The following PDCD6IP variants were observed in gnomAD, a reference collection of about 807,000 sequenced individuals.
The protein encoded by PDCD6IP is programmed cell death 6 interacting protein.
A neutral mutation model predicts 103.7 loss-of-function variants in PDCD6IP; 43 were observed. The observed-to-expected ratio is 0.41, with a 90% CI of 0.32 to 0.53. The LOEUF (loss-of-function observed/expected upper bound fraction) is 0.53, where lower values mean the gene tolerates loss of function less well. Ranked by LOEUF, PDCD6IP falls within the 20% of genes least tolerant of loss-of-function variation. PDCD6IP has a pLI of 0.16. For missense variants in PDCD6IP, 871 were observed against 1,036.7 expected, an observed-to-expected ratio of 0.84 and a Z score of 2.20; for synonymous variants, 354 against 378.7, an observed-to-expected ratio of 0.93 and a Z score of 0.76.
chr3:33,802,558 C>T (rs922505078), intron 1 of PDCD6IP, among the ~76,000 whole-genome samples: 1 of 150,236 alleles, frequency 6.7e-6, no homozygotes, highest in Admixed American at 6.7e-5. Flanking sequence ...GGCATGATCT[C>T]GGCTCACCAC....
In PDCD6IP at chr3:33,821,943, A is replaced by G. The variant is rs758488789; in HGVS notation, c.335-12A>G. 3 of 1,598,780 alleles carry G rather than the reference A, an allele frequency of 1.9e-6. No individual in the cohort carries two copies. The highest frequency in any genetic ancestry group is 8.5e-7 in the Non-Finnish European group (1 of 1,174,806). Reference sequence around the variant, plus strand: ...ATAATCTGATGAATTTTTCCTTCTCAATTTTTTACAGCTCTTGCAAGCTTA... The same window carrying G: ...ATAATCTGATGAATTTTTCCTTCTCGATTTTTTACAGCTCTTGCAAGCTTA... On this transcript the variant is annotated splice_polypyrimidine_tract_variant and intron_variant, in intron 3 of 17. Transcript: ENST00000307296.
At chr3:33,863,871 T>C (rs2125454061) in intron 15 of PDCD6IP, 135 bp from the exon 16 acceptor site, 1 of 655,384 alleles carries the variant, frequency 1.5e-6, no homozygotes, top group Middle Eastern at 3.0e-4. Flanking sequence ...ATTTGAAATG[T>C]AGTATATTTT....
intron 2 of PDCD6IP, 39 bp downstream of exon 2, chr3:33,812,165 G>A (rs746707185): frequency 1.1e-5 from 17 of 1,575,884 alleles, no homozygotes; most frequent in African/African-American, 4.1e-5. Context: ...TATGGTAATA[G>A]CACCCATTTC....
At chr3:33,828,674 C>A (rs1697181900) in intron 6 of PDCD6IP, 179 bp from the exon 7 acceptor site, 3 of 458,672 alleles carry the variant, frequency 6.5e-6, no homozygotes, top group South Asian at 1.9e-4. Flanking sequence ...TCATAGATTT[C>A]AATCCACACA....
chr3:33,812,514 A>G (rs1258085493), intron 2 of PDCD6IP, among the ~76,000 whole-genome samples: 1 of 152,250 alleles, frequency 6.6e-6, no homozygotes, highest in East Asian at 1.9e-4. Context: ...ATTTGCATGT[A>G]AAAGTTGCAA....
chr3:33,806,865 A>T (rs989501537), intron 1 of PDCD6IP, among the ~76,000 whole-genome samples: 5 of 152,202 alleles, frequency 3.3e-5, no homozygotes, highest in Admixed American at 2.6e-4. Context: ...TGCTCATGGT[A>T]ACTGCAGTTA....
chr3:33,805,871 T>C (rs1057174328), intron 1 of PDCD6IP, among the ~76,000 whole-genome samples: 1 of 152,044 alleles, frequency 6.6e-6, no homozygotes, highest in Admixed American at 6.5e-5. Flanking sequence ...CAGCCTACCA[T>C]GTAGCTGGGA....
At chr3:33,841,422 TCTTTG>T in intron 9 of PDCD6IP, among the ~76,000 whole-genome samples, 1 of 149,358 alleles carries the variant, frequency 6.7e-6, no homozygotes, top group Non-Finnish European at 1.5e-5. Flanking sequence ...TTTCTGTTAA[TCTTTG>T]CTTTGCTTTT....
intron 15 of PDCD6IP, among the ~76,000 whole-genome samples, chr3:33,859,932 G>C (rs1025622494): frequency 1.3e-5 from 2 of 152,154 alleles, no homozygotes; most frequent in Admixed American, 1.3e-4. Context: ...AGTGACCAGG[G>C]CTGGTGAAAT....
intron 7 of PDCD6IP, among the ~76,000 whole-genome samples, chr3:33,833,149 A>G (rs1332440544): frequency 6.6e-6 from 1 of 152,154 alleles, no homozygotes; most frequent in Non-Finnish European, 1.5e-5. Context: ...AAAAATTAAA[A>G]AACAAAAATT....
intron 15 of PDCD6IP, among the ~76,000 whole-genome samples, chr3:33,861,147 A>AT (rs71740776): frequency 1.1e-3 from 157 of 145,840 alleles, no homozygotes; most frequent in South Asian, 1.7e-3. Flanking sequence ...TCTAATCTGT[A>AT]TTTTTTTTTT....
Position 33,826,724 on chromosome 3 carries a change from T to C in PDCD6IP, c.717+144T>C. On this transcript the variant is annotated intron_variant, in intron 6 of 17. Transcript: ENST00000307296. Reference sequence around the variant, plus strand: ...GAAGTATATAGTAGAAATAGTTTTTTTTTTTTTTTAATTTAAGATGCATGA... The same window carrying C: ...GAAGTATATAGTAGAAATAGTTTTTCTTTTTTTTTAATTTAAGATGCATGA... The C allele has an allele frequency of 2.2e-6, 3 of 1,394,816 alleles. No homozygotes were observed. In the South Asian group the frequency reaches 4.7e-5, roughly 22 times the overall value. 86.4% of individuals were successfully genotyped at this position (1,394,816 alleles called of 1,614,324 possible). A position where few individuals can be genotyped will look rare whatever the true frequency, so the allele number is the denominator to read the frequency against.
intron 1 of PDCD6IP, among the ~76,000 whole-genome samples, chr3:33,803,265 G>A (rs1696515912): frequency 1.3e-5 from 2 of 152,176 alleles, no homozygotes; most frequent in Admixed American, 1.3e-4. Context: ...TCATCAGCAG[G>A]TATATGGGAG....
intron 15 of PDCD6IP, among the ~76,000 whole-genome samples, chr3:33,856,104 T>G (rs1697822917): frequency 6.6e-6 from 1 of 152,214 alleles, no homozygotes. Context: ...GTAAGGGATC[T>G]AGGTTGTGCA....
At chr3:33,804,165 A>G (rs776857238) in intron 1 of PDCD6IP, among the ~76,000 whole-genome samples, 3 of 152,122 alleles carry the variant, frequency 2.0e-5, no homozygotes, top group Non-Finnish European at 2.9e-5. Context: ...GCAGGGTTTT[A>G]TTGGGTGAAA....
chr3:33,862,887 C>T (rs1262360107), intron 15 of PDCD6IP, among the ~76,000 whole-genome samples: 1 of 152,156 alleles, frequency 6.6e-6, no homozygotes, highest in Non-Finnish European at 1.5e-5. Flanking sequence ...TTTAGGATTA[C>T]TTGCCCAGTT....
At chr3:33,845,062 C>G (rs1697562060) in intron 11 of PDCD6IP, among the ~76,000 whole-genome samples, 1 of 150,272 alleles carries the variant, frequency 6.7e-6, no homozygotes, top group South Asian at 2.1e-4. Context: ...AGTCACATTG[C>G]TCTTTTGACA....
intron 3 of PDCD6IP, among the ~76,000 whole-genome samples, chr3:33,820,108 TC>T (rs1274695515): frequency 6.6e-6 from 1 of 151,904 alleles, no homozygotes; most frequent in Non-Finnish European, 1.5e-5. Context: ...ACATAGTGAG[TC>T]CCTGTCTCTA....
At chr3:33,819,368 T>C (rs1696936542) in intron 3 of PDCD6IP, among the ~76,000 whole-genome samples, 2 of 152,342 alleles carry the variant, frequency 1.3e-5, no homozygotes, top group East Asian at 1.9e-4. Context: ...ATTGTGATAT[T>C]TGGAATATAA....
Sources: gnomAD v4.1 joint callset for allele counts (sites outside exome capture counted in the v4.1 genomes callset) on GRCh38, gnomAD v4.1.1 for gene constraint, MANE v1.5 for transcripts, NCBI Gene and HGNC (gene_info 2026-07-23, HGNC 2026-07-21) for gene names.